The following HSPG2 variants were observed in gnomAD, a reference collection of about 807,000 sequenced individuals.
HSPG2 encodes the protein basement membrane-specific heparan sulfate proteoglycan core protein.
Under a neutral mutation model 526.6 loss-of-function variants are expected in HSPG2, and 278 were observed. The observed-to-expected ratio is 0.53, with a 90% CI of 0.48 to 0.58. HSPG2 has a LOEUF of 0.58. Ranked by LOEUF, HSPG2 falls within the 20% of genes least tolerant of loss-of-function variation. HSPG2 has a pLI of 0.00. For synonymous variants in HSPG2, 2,465 were observed against 2,555.4 expected (o/e 0.96, Z 1.07); for missense variants, 5,354 against 6,099.5 (o/e 0.88, Z 4.07).
At chr1:21,870,201 G>C (rs1045561470) in intron 33 of HSPG2, 2 of 977,676 alleles carry the variant, frequency 2.0e-6, no homozygotes, top group African/African-American at 1.7e-5. Flanking sequence ...TCCTAGCCAG[G>C]TCCTCAGTTA....
At chr1:21,854,492 G>T in intron 49 of HSPG2, 119 bp downstream of exon 49, 2 of 1,452,164 alleles carry the variant, frequency 1.4e-6, no homozygotes, top group Non-Finnish European at 1.9e-6. Flanking sequence ...ATGAGGCCTG[G>T]CTTCTGCTGG....
chr1:21,900,817 G>A (rs917096999), intron 1 of HSPG2, among the ~76,000 whole-genome samples: 1 of 152,186 alleles, frequency 6.6e-6, no homozygotes, highest in South Asian at 2.1e-4. Context: ...CCCAGGAGGC[G>A]GAGGTTGCAG....
At position 21,937,305 on chromosome 1, in the gene HSPG2, G is replaced by T. The variant is rs1644517800; in HGVS notation, c.-88C>A. ...GCCGCCCGCTCGCCGGCCAGCTCGGGACAGCGCGGCCCTCTCCCCACCGCC... is the reference window on the plus strand; with the variant it reads ...GCCGCCCGCTCGCCGGCCAGCTCGGTACAGCGCGGCCCTCTCCCCACCGCC... On this transcript the variant is annotated 5_prime_UTR_variant, in exon 1 of 97. Transcript: ENST00000374695. 1 of 344,980 alleles carries T rather than the reference G, an allele frequency of 2.9e-6. No individual in the cohort carries two copies. The highest frequency in any genetic ancestry group is 4.0e-6 in the Non-Finnish European group (1 of 251,738). 21.4% of individuals were successfully genotyped at this position (344,980 alleles called of 1,614,324 possible).
chr1:21,879,141 A>T lies in HSPG2; in HGVS notation c.2344-20T>A. 1 of 1,614,076 alleles carries T rather than the reference A, an allele frequency of 6.2e-7. No homozygotes were observed. Reference sequence around the variant, plus strand: ...GCAATTCTAGAAGAAGGAGGAGGGTATGGCTCAACTTCTAGAGCAGAACTG... The same window carrying T: ...GCAATTCTAGAAGAAGGAGGAGGGTTTGGCTCAACTTCTAGAGCAGAACTG... On this transcript the variant is annotated intron_variant, in intron 17 of 96. Coordinates refer to ENST00000374695, the MANE Select transcript of HSPG2 (RefSeq NM_005529.7).
chr1:21,888,957 G>T (rs935471319), intron 6 of HSPG2, among the ~76,000 whole-genome samples: 1 of 152,160 alleles, frequency 6.6e-6, no homozygotes, highest in Non-Finnish European at 1.5e-5. Context: ...GCAGGGTTTT[G>T]CTCTGTCGCC....
At chr1:21,908,424 GA>G in intron 1 of HSPG2, 1 of 869,838 alleles carries the variant, frequency 1.1e-6, no homozygotes, top group Non-Finnish European at 1.9e-6. Flanking sequence ...TGAAACGCGT[GA>G]AGGAGAATGA....
Position 21,853,067 on chromosome 1 carries a change from G to A in HSPG2, c.6443C>T (p.Pro2148Leu). 1 of 1,613,848 alleles carries A rather than the reference G, an allele frequency of 6.2e-7. No individual in the cohort carries two copies. ...THSGPSYTPV[P>L]GSTRPIRIEP... The stretch of plus-strand genomic sequence containing the variant: ...GATGCGGATGGGCCGGGTGCTGCCG[G>A]GCACTGGACACAGAGCGGCTGCTCA... Residue 2148 changes from proline (P) to leucine (L), a missense_variant, in exon 51 of 97, where the codon CCC becomes CTC. Physicochemically the swap from Pro to Leu is moderately conservative, Grantham distance 98. Transcript: ENST00000374695.
chr1:21,857,612 T>C (rs1011281299), intron 42 of HSPG2, among the ~76,000 whole-genome samples: 3 of 151,952 alleles, frequency 2.0e-5, no homozygotes, highest in Non-Finnish European at 2.9e-5. Flanking sequence ...CATCACACCA[T>C]GGGTCCACTT....
rs985554091 is a variant in HSPG2, at chr1:21,855,334, C to T, written c.5967G>A (p.Trp1989Ter). 2 of 1,608,692 alleles carry T rather than the reference C, an allele frequency of 1.2e-6. No homozygotes were observed. The highest frequency in any genetic ancestry group is 8.5e-7 in the Non-Finnish European group (1 of 1,178,340). ...GTGGGAGGCTGCCCCCTTCCTTCCT[C>T]CAGGTGATGGTGGCGCTAGGCACGC... ...AAGVPSATITWRKEGGSLPPQ... is the reference protein window; with the variant it reads ...AAGVPSATIT The change falls in exon 47 of 97, where the codon TGG becomes TGA. Residue 1989 changes from tryptophan to a stop codon, truncating the protein, a stop_gained. Coordinates refer to ENST00000374695, the MANE Select transcript of HSPG2 (RefSeq NM_005529.7). LOFTEE classifies it high-confidence loss of function.
At chr1:21,914,919 G>A (rs1304379132) in intron 1 of HSPG2, among the ~76,000 whole-genome samples, 1 of 152,182 alleles carries the variant, frequency 6.6e-6, no homozygotes, top group Non-Finnish European at 1.5e-5. Context: ...ATGCCTGCCT[G>A]GGCCTTGTCC....
At position 21,887,589 on chromosome 1, in the gene HSPG2, C is replaced by A; in HGVS notation, c.789G>T (p.Met263Ile). 2 of 1,614,076 alleles carry A rather than the reference C, an allele frequency of 1.2e-6. No individual in the cohort carries two copies. The highest frequency in any genetic ancestry group is 1.7e-5 in the Admixed American group (1 of 60,020). Residue 263 changes from methionine (M) to isoleucine (I), a missense_variant, in exon 8 of 97, where the codon ATG (methionine) becomes ATT (isoleucine). By Grantham distance (10) the Met-to-Ile change is conservative (BLOSUM62 1). Coordinates refer to ENST00000374695, the MANE Select transcript of HSPG2 (RefSeq NM_005529.7). This position sits in a 1 kb window ranked among gnomAD's most constrained non-coding sequence, Gnocchi z 5.0. ...GAGCGTGGGTGACTGGTGGCTGTCG[C>A]ATGATGGTTGTCTCTGGCCGGGGCG... is the stretch of plus-strand genomic sequence containing the variant. The part of the protein sequence containing the change: ...SLPPRPETTI[M>I]RQPPVTHAPQ...
At chr1:21,846,682 T>C (rs1393576359) in intron 62 of HSPG2, 83 bp from the exon 63 acceptor site, 3 of 1,487,822 alleles carry the variant, frequency 2.0e-6, no homozygotes, top group East Asian at 4.5e-5. Context: ...CCATAGAAAA[T>C]CTCACCCCCC....
In HSPG2 at chr1:21,885,445, T is replaced by C. The variant is rs1313381961; in HGVS notation, c.1085A>G (p.Lys362Arg). Reference protein sequence around the residue: ...DRTDEANCPTKRPEEVCGPTQ... With the variant: ...DRTDEANCPTRRPEEVCGPTQ... ...GGGCCCGCACACTTCCTCAGGACGC[T>C]TGGTGGCTGGGGACAAAGCCAGGTG... The change falls in exon 10 of 97, where the codon AAG (lysine) becomes AGG (arginine). Residue 362 changes from lysine to arginine, a missense_variant. Transcript: ENST00000374695. 1 of 1,614,010 alleles carries C rather than the reference T, an allele frequency of 6.2e-7. No individual in the cohort carries two copies.
chr1:21,864,738 G>T lies in HSPG2; in HGVS notation c.4626+105C>A, dbSNP rs928416587. The T allele has an allele frequency of 4.4e-6, 4 of 912,512 alleles. No individual in the cohort carries two copies. The highest frequency in any genetic ancestry group is 7.0e-6 in the Non-Finnish European group (4 of 574,550). The allele number at this position is 912,512 out of a possible 1,614,324, so 56.5% of individuals were successfully genotyped here. A position where few individuals can be genotyped will look rare whatever the true frequency, so the allele number is the denominator to read the frequency against. ...ATACATGCAGGGCCCAGATGCAGGG[G>T]TCATTATAGTTATGATGGTAATCAA... On this transcript the variant is annotated intron_variant, in intron 36 of 96. Transcript: ENST00000374695. The surrounding 1 kb of genome is among the most constrained non-coding windows in gnomAD (Gnocchi z 4.8).
intron 76 of HSPG2, chr1:21,835,216 T>C (rs555510184): frequency 1.7e-6 from 1 of 603,698 alleles, no homozygotes; most frequent in African/African-American, 1.8e-5. Context: ...CTAGAATTCA[T>C]GCGCTCAAGC....
chr1:21,856,510 C>T (rs1329679207), intron 44 of HSPG2, among the ~76,000 whole-genome samples: 1 of 147,196 alleles, frequency 6.8e-6, no homozygotes, highest in Non-Finnish European at 1.5e-5. Flanking sequence ...CTAAGCCTCC[C>T]GGGTTCAAGC....
chr1:21,919,425 CAAAA>C (rs36109631), intron 1 of HSPG2, among the ~76,000 whole-genome samples: 4 of 118,886 alleles, frequency 3.4e-5, no homozygotes, highest in African/African-American at 7.1e-5. Flanking sequence ...GACCCTGTCT[CAAAA>C]AAAAAAAAAA....
chr1:21,925,414 G>A (rs1051971389), intron 1 of HSPG2, among the ~76,000 whole-genome samples: 2 of 152,180 alleles, frequency 1.3e-5, no homozygotes, highest in Non-Finnish European at 2.9e-5. Context: ...CCCCCAGTAT[G>A]AGGGGGACAC....
At chr1:21,923,683 A>G (rs1207865215) in intron 1 of HSPG2, among the ~76,000 whole-genome samples, 1 of 152,190 alleles carries the variant, frequency 6.6e-6, no homozygotes, top group East Asian at 1.9e-4. Flanking sequence ...ATCCTGCTAT[A>G]GTCCTCGAGT....
Sources: allele counts gnomAD v4.1 joint callset (sites outside exome capture counted in the v4.1 genomes callset), GRCh38; gene constraint gnomAD v4.1.1; non-coding constraint Gnocchi (gnomAD v3.1); transcripts MANE v1.5; gene names NCBI Gene and HGNC (gene_info 2026-07-23, HGNC 2026-07-21).